MAST2: variants seen among roughly 807,000 people sequenced by gnomAD.
MAST2 encodes the protein microtubule associated serine/threonine kinase 2, also known as microtubule-associated serine/threonine-protein kinase 2.
MAST2 carries 70 observed loss-of-function variants against 147.4 expected under a neutral mutation model. The ratio of observed to expected loss-of-function variants is 0.47; its 90% CI spans 0.39 to 0.58. The LOEUF (loss-of-function observed/expected upper bound fraction) is 0.58, where lower values mean the gene tolerates loss of function less well. Among genes scored for constraint, MAST2 ranks in the 20% least tolerant of loss-of-function variants. The pLI is 0.00. For missense variants in MAST2, 2,080 were observed against 2,302.3 expected (o/e 0.90, Z 1.98); for synonymous variants, 869 against 896.8 (o/e 0.97, Z 0.55).
At chr1:46,015,372 T>C (rs1289267523) in intron 10 of MAST2, among the ~76,000 whole-genome samples, 1 of 151,938 alleles carries the variant, frequency 6.6e-6, no homozygotes, top group Non-Finnish European at 1.5e-5. Context: ...TTCAAAAAAT[T>C]AATGAATCCA....
chr1:45,935,619 G>T (rs571211035), intron 4 of MAST2, among the ~76,000 whole-genome samples: 2 of 152,196 alleles, frequency 1.3e-5, no homozygotes, highest in South Asian at 4.1e-4. Flanking sequence ...CGGCTAGCCA[G>T]TTATCCCAGC....
At chr1:45,934,631 G>C (rs914554447) in intron 4 of MAST2, among the ~76,000 whole-genome samples, 1 of 152,190 alleles carries the variant, frequency 6.6e-6, no homozygotes, top group Non-Finnish European at 1.5e-5. Flanking sequence ...CACCATGTTG[G>C]CCAGGCTGGT....
At chr1:45,826,518 A>T (rs983148936) in intron 2 of MAST2, among the ~76,000 whole-genome samples, 1 of 151,944 alleles carries the variant, frequency 6.6e-6, no homozygotes, top group Non-Finnish European at 1.5e-5. Context: ...ACACCCAGCT[A>T]ATTTTTGTAT....
At chr1:46,029,189 G>C (rs1297506855) in intron 18 of MAST2, 1 of 552,406 alleles carries the variant, frequency 1.8e-6, no homozygotes, top group Non-Finnish European at 3.2e-6. Context: ...GTCTGTGTAT[G>C]TGCACATCCC....
rs186878045 is a variant in MAST2, at chr1:45,833,279, A to G, written c.468+3698A>G. The stretch of plus-strand genomic sequence containing the variant: ...TTTTCCCATATATGTAGAAATCATG[A>G]TCCTAATTAGTGATTACCAGGGCAT... On this transcript the variant is annotated intron_variant, in intron 3 of 28. Transcript: ENST00000361297. 6.6e-5 allele frequency among the ~76,000 whole-genome samples: 10 copies of G among 152,264 alleles called. No individual in the cohort carries two copies. In the East Asian group the frequency reaches 1.9e-3, roughly 29 times the overall value.
At chr1:45,831,118 A>G (rs1019603610) in intron 3 of MAST2, among the ~76,000 whole-genome samples, 1 of 151,528 alleles carries the variant, frequency 6.6e-6, no homozygotes, top group African/African-American at 2.4e-5. Context: ...TAGCCTGGGC[A>G]GGTTGCTTTG....
At chr1:46,006,540 C>T (rs1338979359) in intron 8 of MAST2, 145 bp downstream of exon 8, 1 of 580,496 alleles carries the variant, frequency 1.7e-6, no homozygotes, top group Non-Finnish European at 2.7e-6. Flanking sequence ...TCACATTCCT[C>T]AACTCTGCTG....
chr1:46,025,999 G>A (rs1646393607), intron 16 of MAST2, among the ~76,000 whole-genome samples, 184 bp downstream of exon 16: 1 of 152,190 alleles, frequency 6.6e-6, no homozygotes, highest in Admixed American at 6.5e-5. Flanking sequence ...ATTGCCTCAA[G>A]GTCTGGCTGG....
intron 3 of MAST2, among the ~76,000 whole-genome samples, chr1:45,853,347 A>G (rs1010562972): frequency 6.6e-6 from 1 of 151,890 alleles, no homozygotes; most frequent in African/African-American, 2.4e-5. Context: ...ACATTTATTA[A>G]TTTTTTAAAA....
intron 4 of MAST2, among the ~76,000 whole-genome samples, chr1:45,916,931 A>G (rs192970893): frequency 8.3e-4 from 126 of 152,292 alleles, no homozygotes; most frequent in African/African-American, 3.0e-3. Flanking sequence ...ATACAAAATT[A>G]GCTGGGTGTG....
intron 4 of MAST2, among the ~76,000 whole-genome samples, chr1:45,933,236 AGC>A (rs1655624298): frequency 4.7e-5 from 3 of 64,362 alleles, no homozygotes; most frequent in Non-Finnish European, 9.9e-5. Context: ...AAAAAAAAAA[AGC>A]GGGGGGGTTG....
chr1:46,034,679 C>G lies in MAST2; in HGVS notation c.4010C>G (p.Ser1337Ter). The change falls in exon 29 of 29, where the codon TCA becomes TGA. Residue 1337 changes from serine to a stop codon, truncating the protein, a stop_gained. Coordinates refer to ENST00000361297, the MANE Select transcript of MAST2 (RefSeq NM_015112.3). LOFTEE classifies it low-confidence loss of function (END_TRUNC). ...CAGTACCGCTCTCCACGGCGCAAGT[C>G]AGCAGGCAGCATCCCACTGTCACCA... is the stretch of plus-strand genomic sequence containing the variant. ...QRQYRSPRRK[S>*]AGSIPLSPLA... 1.2e-6 allele frequency: 2 copies of G among 1,614,186 alleles called. No homozygotes were observed. The highest frequency in any genetic ancestry group is 1.7e-6 in the Non-Finnish European group (2 of 1,180,032).
At chr1:46,005,863 G>T (rs1195262395) in intron 7 of MAST2, among the ~76,000 whole-genome samples, 1 of 152,136 alleles carries the variant, frequency 6.6e-6, no homozygotes, top group Non-Finnish European at 1.5e-5. Context: ...CTGCCCCCAG[G>T]GTGGCTCTCT....
chr1:45,860,678 A>G (rs1024836656), intron 3 of MAST2, among the ~76,000 whole-genome samples: 11 of 151,850 alleles, frequency 7.2e-5, no homozygotes, highest in Middle Eastern at 3.4e-3. Flanking sequence ...CTAAAAATAC[A>G]AAAATTAGCC....
At chr1:45,944,904 A>C (rs1208660290) in intron 4 of MAST2, among the ~76,000 whole-genome samples, 1 of 152,198 alleles carries the variant, frequency 6.6e-6, no homozygotes, top group African/African-American at 2.4e-5. Flanking sequence ...CTCTTCAGCT[A>C]TGAGCCTCTG....
Position 46,028,828 on chromosome 1 carries a change from C to A in MAST2, c.2113C>A (p.Pro705Thr). 3 of 1,614,104 alleles carry A rather than the reference C, an allele frequency of 1.9e-6. No individual in the cohort carries two copies. The highest frequency in any genetic ancestry group is 2.5e-6 in the Non-Finnish European group (3 of 1,180,008). ...EVILRQGYGK[P>T]VDWWAMGIIL... ...GATCCTGCGCCAGGGCTATGGGAAG[C>A]CAGTGGACTGGTGGGCCATGGGCAT... is the stretch of plus-strand genomic sequence containing the variant. The change falls in exon 18 of 29, where the codon CCA becomes ACA. Residue 705 changes from proline to threonine, a missense_variant. This residue lies in a region of MAST2 where 209 missense variants were observed against 309.5 expected (regional missense o/e 0.68). Coordinates refer to ENST00000361297, the MANE Select transcript of MAST2 (RefSeq NM_015112.3).
At chr1:45,858,324 A>T (rs1645861194) in intron 3 of MAST2, among the ~76,000 whole-genome samples, 1 of 152,140 alleles carries the variant, frequency 6.6e-6, no homozygotes, top group African/African-American at 2.4e-5. Context: ...ATGAGATGGT[A>T]TCTCATTGTG....
At chr1:45,825,057 G>A (rs189184124) in intron 2 of MAST2, among the ~76,000 whole-genome samples, 178 of 152,126 alleles carry the variant, frequency 1.2e-3, no homozygotes, top group South Asian at 2.5e-3. Context: ...ATGGAGTTTC[G>A]CTCCGTAGCC....
intron 3 of MAST2, among the ~76,000 whole-genome samples, chr1:45,858,915 G>A (rs1172065552): frequency 6.6e-6 from 1 of 152,122 alleles, no homozygotes; most frequent in Non-Finnish European, 1.5e-5. Flanking sequence ...AGATCAGATG[G>A]TTGTAGATGT....
Sources: gnomAD v4.1 joint callset for allele counts (sites outside exome capture counted in the v4.1 genomes callset) on GRCh38, gnomAD v4.1.1 for gene constraint, gnomAD v4.1.1 regional missense constraint, MANE v1.5 for transcripts, NCBI Gene and HGNC (gene_info 2026-07-23, HGNC 2026-07-21) for gene names.